Variants in FANCC observed in about 807,000 individuals in gnomAD.
FANCC encodes the protein Fanconi anemia group C protein.
A neutral mutation model predicts 71.3 loss-of-function variants in FANCC; 55 were observed. The observed-to-expected ratio is 0.77, with a 90% CI of 0.62 to 0.97. The LOEUF is 0.97. Among genes scored for constraint, FANCC ranks in the 50% least tolerant of loss-of-function variants. The pLI is 0.00. For missense variants in FANCC, 678 were observed against 670.9 expected, an observed-to-expected ratio of 1.01 and a Z score of -0.12; for synonymous variants, 275 against 244.9, an observed-to-expected ratio of 1.12 and a Z score of -1.15.
At chr9:95,277,678 T>C (rs1321993561) in intron 1 of FANCC, among the ~76,000 whole-genome samples, 2 of 151,816 alleles carry the variant, frequency 1.3e-5, no homozygotes, top group Admixed American at 1.3e-4. Flanking sequence ...AATAGAAAAA[T>C]AGCCCATTAC....
chr9:95,267,957 C>G (rs1832485624), intron 1 of FANCC, among the ~76,000 whole-genome samples: 1 of 152,202 alleles, frequency 6.6e-6, no homozygotes, highest in Non-Finnish European at 1.5e-5. Context: ...ATCACTGGAT[C>G]TGCAGCAGCA....
chr9:95,168,342 G>A (rs564868539), intron 6 of FANCC, among the ~76,000 whole-genome samples: 3 of 152,126 alleles, frequency 2.0e-5, no homozygotes, highest in Non-Finnish European at 4.4e-5. Context: ...GCCTCCATCG[G>A]CAGCACTGTC....
intron 6 of FANCC, among the ~76,000 whole-genome samples, chr9:95,162,967 T>G (rs1830840508): frequency 6.6e-6 from 1 of 152,180 alleles, no homozygotes; most frequent in Non-Finnish European, 1.5e-5. Context: ...TTTCATGCAG[T>G]CCTATTTGTC....
intron 4 of FANCC, among the ~76,000 whole-genome samples, chr9:95,183,962 A>C (rs1038899458): frequency 1.3e-5 from 2 of 152,196 alleles, no homozygotes; most frequent in African/African-American, 4.8e-5. Context: ...TGTATTTCTC[A>C]GGTATAAATC....
At chr9:95,128,653 T>C (rs1467365708) in intron 8 of FANCC, among the ~76,000 whole-genome samples, 1 of 152,228 alleles carries the variant, frequency 6.6e-6, no homozygotes, top group Non-Finnish European at 1.5e-5. Context: ...TCTGCTCCTC[T>C]TCTGTGCGCT....
chr9:95,283,574 CT>C (rs929009702), intron 1 of FANCC, among the ~76,000 whole-genome samples: 35 of 152,130 alleles, frequency 2.3e-4, no homozygotes, highest in African/African-American at 4.8e-5. Flanking sequence ...TCAAAGACCA[CT>C]TTTTTAATGA....
intron 1 of FANCC, among the ~76,000 whole-genome samples, chr9:95,297,948 A>C (rs1834486101): frequency 6.6e-6 from 1 of 152,238 alleles, no homozygotes; most frequent in Admixed American, 6.5e-5. Flanking sequence ...TTTACAAAAC[A>C]GAGTAAGGAC....
chr9:95,292,179 G>A (rs1250601549), intron 1 of FANCC, among the ~76,000 whole-genome samples: 1 of 149,158 alleles, frequency 6.7e-6, no homozygotes, highest in African/African-American at 2.4e-5. Context: ...TTTGACAAAG[G>A]CGCCAAGAAC....
At chr9:95,230,236 C>A (rs913634464) in intron 4 of FANCC, among the ~76,000 whole-genome samples, 1 of 152,174 alleles carries the variant, frequency 6.6e-6, no homozygotes, top group East Asian at 1.9e-4. Flanking sequence ...GGGTTCCGTG[C>A]GGTGTAGTGC....
At chr9:95,167,091 GTTTT>G (rs1447145470) in intron 6 of FANCC, among the ~76,000 whole-genome samples, 1 of 151,980 alleles carries the variant, frequency 6.6e-6, no homozygotes, top group Non-Finnish European at 1.5e-5. Context: ...GATTGGAAGG[GTTTT>G]TTGTTTTGTT....
chr9:95,293,674 T>C lies in FANCC; in HGVS notation c.-79+23852A>G, dbSNP rs544679472. ...GTGTCGTCTTGTTCTCAAACTGATTTGTTGTTTGATTCTCAAGTGTCTCTT... is the reference window on the plus strand; with the variant it reads ...GTGTCGTCTTGTTCTCAAACTGATTCGTTGTTTGATTCTCAAGTGTCTCTT... On this transcript the variant is annotated intron_variant, in intron 1 of 14. Coordinates refer to ENST00000289081, the MANE Select transcript of FANCC (RefSeq NM_000136.3). The C allele has an allele frequency of 1.1e-4, 182 of 1,614,110 alleles. 1 individual carries two copies. In the African/African-American group the frequency reaches 1.4e-3, roughly 12 times the overall value.
intron 7 of FANCC, 151 bp downstream of exon 7, chr9:95,149,771 AC>A: frequency 1.1e-6 from 1 of 915,620 alleles, no homozygotes; most frequent in Non-Finnish European, 1.7e-6. Context: ...GAGCCACCAC[AC>A]CTGGCCGGGA....
In FANCC at chr9:95,107,210, T is replaced by C; in HGVS notation, c.1389A>G (p.Ser463=). ...CTGCTACCGTCTGCAGGTCCTGGGC[T>C]GAGAGGCTGCTGCTTCTGGACATTG... ...LLAMSRSSSL[S]AQDLQTVAGQ... Residue 463 remains serine, a synonymous_variant, in exon 14 of 15, where the codon TCA becomes TCG. Coordinates refer to ENST00000289081, the MANE Select transcript of FANCC (RefSeq NM_000136.3). 6.2e-7 allele frequency: 1 copy of C among 1,614,188 alleles called. No individual in the cohort carries two copies. The highest frequency in any genetic ancestry group is 2.2e-5 in the East Asian group (1 of 44,884).
At chr9:95,199,686 T>A (rs1300186155) in intron 4 of FANCC, among the ~76,000 whole-genome samples, 1 of 152,190 alleles carries the variant, frequency 6.6e-6, no homozygotes, top group Admixed American at 6.5e-5. Flanking sequence ...GAGAAAAAAC[T>A]ACCACCAGAG....
chr9:95,139,840 A>T (rs1828342383), intron 7 of FANCC, among the ~76,000 whole-genome samples: 2 of 147,132 alleles, frequency 1.4e-5, no homozygotes, highest in African/African-American at 4.9e-5. Flanking sequence ...ATATTTATAT[A>T]TATATATATA....
chr9:95,196,243 G>A (rs1172537262), intron 4 of FANCC, among the ~76,000 whole-genome samples: 1 of 151,864 alleles, frequency 6.6e-6, no homozygotes, highest in African/African-American at 2.4e-5. Flanking sequence ...TGTTTGGGAG[G>A]TGCCCTTTAT....
chr9:95,141,985 GTTTTTT>G (rs1163083695), intron 7 of FANCC, among the ~76,000 whole-genome samples: 28 of 83,160 alleles, frequency 3.4e-4, no homozygotes, highest in South Asian at 4.8e-4. Flanking sequence ...AGTTTGTGGG[GTTTTTT>G]TTTTTTTTTT....
rs569282840 is a variant in FANCC, at chr9:95,149,787, C to T, written c.686+136G>A. ...AGCCACCACACCTGGCCGGGATACT[C>T]AGTAATTTTTAAGAGTATAAAGGGT... On this transcript the variant is annotated intron_variant, in intron 7 of 14. Coordinates refer to ENST00000289081, the MANE Select transcript of FANCC (RefSeq NM_000136.3). The T allele has an allele frequency of 9.0e-4, 930 of 1,031,908 alleles. 2 individuals are homozygous for T. Among genetic ancestry groups the T allele is most frequent in the Non-Finnish European group, 7.6e-4 (520 of 681,246 alleles). 63.9% of individuals were successfully genotyped at this position (1,031,908 alleles called of 1,614,324 possible).
intron 7 of FANCC, among the ~76,000 whole-genome samples, chr9:95,135,888 C>T (rs559046157): frequency 5.3e-4 from 81 of 152,260 alleles, no homozygotes; most frequent in African/African-American, 1.9e-3. Flanking sequence ...AATAGGGATG[C>T]GGACCTGGGT....
Sources: gnomAD v4.1 joint callset for allele counts (sites outside exome capture counted in the v4.1 genomes callset) on GRCh38, gnomAD v4.1.1 for gene constraint, MANE v1.5 for transcripts, NCBI Gene and HGNC (gene_info 2026-07-23, HGNC 2026-07-21) for gene names.